RUSC2: variants seen among roughly 807,000 people sequenced by gnomAD.
RUSC2 encodes the protein AP-4 complex accessory subunit RUSC2.
Under a neutral mutation model 122.2 loss-of-function variants are expected in RUSC2, and 34 were observed. That is an observed-to-expected ratio of 0.28 (90% CI 0.21 to 0.37). RUSC2 has a LOEUF of 0.37. Ranked by LOEUF, RUSC2 falls within the 10% of genes least tolerant of loss-of-function variation. RUSC2 has a pLI of 1.00. For synonymous variants in RUSC2, 784 were observed against 790.0 expected (o/e 0.99, Z 0.13); for missense variants, 1,747 against 1,952.4 (o/e 0.89, Z 1.98).
chr9:35,516,686 G>A (rs1004361117), intron 1 of RUSC2, among the ~76,000 whole-genome samples: 1 of 152,130 alleles, frequency 6.6e-6, no homozygotes, highest in African/African-American at 2.4e-5. Flanking sequence ...TGAGAACCGT[G>A]TCAGCCCTGT....
chr9:35,521,555 C>T (rs1821215227), intron 1 of RUSC2, among the ~76,000 whole-genome samples: 1 of 152,236 alleles, frequency 6.6e-6, no homozygotes, highest in Non-Finnish European at 1.5e-5. Context: ...GGGTCTTTTA[C>T]CTTTTAGGCT....
Position 35,534,100 on chromosome 9 carries a change from A to G in RUSC2, c.-92-12330A>G, listed in dbSNP as rs78271420. On this transcript the variant is annotated intron_variant, in intron 1 of 11. Transcript: ENST00000361226. Reference sequence around the variant, plus strand: ...GCAATGTGTGAGGGTTCCAATTTCTACACATCATTGTCAACATGTGTGATT... The same window carrying G: ...GCAATGTGTGAGGGTTCCAATTTCTGCACATCATTGTCAACATGTGTGATT... 9.7e-3 allele frequency among the ~76,000 whole-genome samples: 1,475 copies of G among 152,304 alleles called. 22 individuals are homozygous for G. Among genetic ancestry groups the G allele is most frequent in the African/African-American group, 0.034 (1,404 of 41,548 alleles).
chr9:35,553,542 G>C (rs764599327), intron 2 of RUSC2, among the ~76,000 whole-genome samples: 26 of 152,354 alleles, frequency 1.7e-4, no homozygotes, highest in South Asian at 2.1e-4. Context: ...ATGGGATAGA[G>C]AGCAACTTGC....
intron 1 of RUSC2, among the ~76,000 whole-genome samples, chr9:35,513,425 T>A (rs761330056): frequency 2.6e-5 from 4 of 151,968 alleles, no homozygotes; most frequent in Non-Finnish European, 5.9e-5. Context: ...ATATTTTTAG[T>A]AGAGATGGGG....
chr9:35,533,982 AG>A (rs1427366712), intron 1 of RUSC2, among the ~76,000 whole-genome samples: 1 of 152,240 alleles, frequency 6.6e-6, no homozygotes, highest in East Asian at 1.9e-4. Flanking sequence ...ACCTAGAAGC[AG>A]AATTGCTGGG....
chr9:35,548,630 A>T lies in RUSC2; in HGVS notation c.2014+95A>T. The T allele has an allele frequency of 6.9e-7, 1 of 1,450,004 alleles. No homozygotes were observed. Among genetic ancestry groups the T allele is most frequent in the Non-Finnish European group, 9.0e-7 (1 of 1,106,568 alleles). The allele number at this position is 1,450,004 out of a possible 1,614,324, so 89.8% of individuals were successfully genotyped here. A position where few individuals can be genotyped will look rare whatever the true frequency, so the allele number is the denominator to read the frequency against. ...AGGTCCCTGCCAGACCACCCCATCC[A>T]TACCACTAGAGGTTCCACATCCTAG... On this transcript the variant is annotated intron_variant, in intron 2 of 11. Coordinates refer to ENST00000361226, the MANE Select transcript of RUSC2 (RefSeq NM_014806.5). The surrounding 1 kb of genome is among the most constrained non-coding windows in gnomAD (Gnocchi z 4.5).
At chr9:35,491,826 G>T (rs925852153) in intron 1 of RUSC2, among the ~76,000 whole-genome samples, 4 of 152,182 alleles carry the variant, frequency 2.6e-5, no homozygotes, top group African/African-American at 9.7e-5. Flanking sequence ...GTGTGCACAT[G>T]TAGTCCCAGC....
chr9:35,500,295 A>G (rs1021178827), intron 1 of RUSC2, among the ~76,000 whole-genome samples: 1 of 152,046 alleles, frequency 6.6e-6, no homozygotes, highest in African/African-American at 2.4e-5. Context: ...GAGCTTGTGC[A>G]GGGAAACCCC....
intron 2 of RUSC2, among the ~76,000 whole-genome samples, chr9:35,553,701 G>C (rs930968475): frequency 6.6e-6 from 1 of 152,244 alleles, no homozygotes; most frequent in Non-Finnish European, 1.5e-5. Context: ...GGACGGGGAA[G>C]TGTGGCTGGA....
In RUSC2 at chr9:35,547,996, G is replaced by C; in HGVS notation, c.1475G>C (p.Gly492Ala). 1 of 1,614,094 alleles carries C rather than the reference G, an allele frequency of 6.2e-7. No individual in the cohort carries two copies. Among genetic ancestry groups the C allele is most frequent in the Non-Finnish European group, 8.5e-7 (1 of 1,180,050 alleles). Residue 492 changes from glycine to alanine, a missense_variant, in exon 2 of 12, where the codon GGA becomes GCA. By Grantham distance (60) the Gly-to-Ala change is moderately conservative (BLOSUM62 0). Coordinates refer to ENST00000361226, the MANE Select transcript of RUSC2 (RefSeq NM_014806.5). The surrounding 1 kb of genome is among the most constrained non-coding windows in gnomAD (Gnocchi z 4.6). The stretch of plus-strand genomic sequence containing the variant: ...ACTTCACCCCCCAACCTCAGCACTG[G>C]ACGTCAGCGCTCCCGCAGCTATGAT... Reference protein sequence around the residue: ...TNTSPPNLSTGRQRSRSYDRS... With the variant: ...TNTSPPNLSTARQRSRSYDRS...
chr9:35,555,467 C>T lies in RUSC2; in HGVS notation c.2422C>T (p.Pro808Ser), dbSNP rs1821993843. 2 of 1,614,222 alleles carry T rather than the reference C, an allele frequency of 1.2e-6. No individual in the cohort carries two copies. The highest frequency in any genetic ancestry group is 1.7e-6 in the Non-Finnish European group (2 of 1,180,042). ...TTCGTGCTCCCCTCCCCCAGAGCAG[C>T]CCACAGCCACAGAAAGCCTGCCCCC... ...STSCSPPPEQ[P>S]TATESLPPWS... The change falls in exon 3 of 12, where the codon CCC becomes TCC. Residue 808 changes from proline (P) to serine (S), a missense_variant. Physicochemically the swap from Pro to Ser is moderately conservative, Grantham distance 74. Coordinates refer to ENST00000361226, the MANE Select transcript of RUSC2 (RefSeq NM_014806.5). The surrounding 1 kb of genome is among the most constrained non-coding windows in gnomAD (Gnocchi z 4.6).
chr9:35,542,181 T>C (rs1334579424), intron 1 of RUSC2, among the ~76,000 whole-genome samples: 1 of 152,138 alleles, frequency 6.6e-6, no homozygotes, highest in Non-Finnish European at 1.5e-5. Context: ...CTCTTGGTTG[T>C]GTGGAGATCA....
intron 1 of RUSC2, among the ~76,000 whole-genome samples, chr9:35,535,256 C>T (rs1821498998): frequency 6.6e-6 from 1 of 151,964 alleles, no homozygotes; most frequent in Non-Finnish European, 1.5e-5. Context: ...GCTGGGGTTA[C>T]AGGTGCCCAC....
Position 35,547,587 on chromosome 9 carries a change from T to A in RUSC2, c.1066T>A (p.Ser356Thr). The change falls in exon 2 of 12, where the codon TCT becomes ACT. Residue 356 changes from serine (S) to threonine (T), a missense_variant. Ser to Thr is a moderately conservative substitution (Grantham distance 58). Coordinates refer to ENST00000361226, the MANE Select transcript of RUSC2 (RefSeq NM_014806.5). The surrounding 1 kb of genome is among the most constrained non-coding windows in gnomAD (Gnocchi z 4.6). ...GGGCTATGGTTGCCCTCATGCCTCT[T>A]CTCCTGAGCTTGATGCCAACTGCAA... ...EGGYGCPHAS[S>T]PELDANCNSY... 1 of 1,614,088 alleles carries A rather than the reference T, an allele frequency of 6.2e-7. No individual in the cohort carries two copies. Among genetic ancestry groups the A allele is most frequent in the Non-Finnish European group, 8.5e-7 (1 of 1,180,014 alleles).
chr9:35,492,587 G>C (rs1043659676), intron 1 of RUSC2, among the ~76,000 whole-genome samples: 9 of 152,054 alleles, frequency 5.9e-5, no homozygotes, highest in African/African-American at 2.2e-4. Context: ...CTCTGATAGA[G>C]CTAGGTGATG....
At position 35,547,970 on chromosome 9, in the gene RUSC2, T is replaced by C. The variant is rs1393399098; in HGVS notation, c.1449T>C (p.Asn483=). ...TGCTTGAGGGACAAGTATACACGAA[T>C]ACTTCACCCCCCAACCTCAGCACTG... The part of the protein sequence containing the change: ...PTVLEGQVYT[N]TSPPNLSTGR... Residue 483 remains asparagine, a synonymous_variant, in exon 2 of 12, where the codon AAT becomes AAC. Transcript: ENST00000361226. The surrounding 1 kb of genome is among the most constrained non-coding windows in gnomAD (Gnocchi z 4.6). 1.2e-6 allele frequency: 2 copies of C among 1,613,976 alleles called. No individual in the cohort carries two copies. The highest frequency in any genetic ancestry group is 1.7e-6 in the Non-Finnish European group (2 of 1,180,020).
intron 1 of RUSC2, among the ~76,000 whole-genome samples, chr9:35,531,162 G>A (rs534601403): frequency 1.1e-3 from 165 of 152,252 alleles, no homozygotes; most frequent in African/African-American, 3.7e-3. Context: ...TCGGGAGGCT[G>A]AGGCAGGAGA....
In RUSC2 at chr9:35,548,770, C is replaced by A. The variant is rs1821828255; in HGVS notation, c.2014+235C>A. Reference sequence around the variant, plus strand: ...GCAGACTGGGTGCAGTGACTCACACCTGTGATCCCAGCCCTTTGGGAGGCC... The same window carrying A: ...GCAGACTGGGTGCAGTGACTCACACATGTGATCCCAGCCCTTTGGGAGGCC... On this transcript the variant is annotated intron_variant, in intron 2 of 11. Transcript: ENST00000361226. This position sits in a 1 kb window ranked among gnomAD's most constrained non-coding sequence, Gnocchi z 4.5. The A allele has an allele frequency of 1.0e-6, 1 of 983,138 alleles. No homozygotes were observed. The highest frequency in any genetic ancestry group is 1.2e-6 in the Non-Finnish European group (1 of 827,974). 60.9% of individuals were successfully genotyped at this position (983,138 alleles called of 1,614,324 possible). A position where few individuals can be genotyped will look rare whatever the true frequency, so the allele number is the denominator to read the frequency against.
chr9:35,546,785 T>A lies in RUSC2; in HGVS notation c.264T>A (p.Ser88Arg). ...ARSIDSTKSR[S>R]RDGRGPGAPK... The stretch of plus-strand genomic sequence containing the variant: ...CTATAGACAGCACCAAGAGTAGGAG[T>A]CGGGATGGAAGAGGCCCTGGAGCCC... Residue 88 changes from serine (S) to arginine (R), a missense_variant, in exon 2 of 12, where the codon AGT (serine) becomes AGA (arginine). Physicochemically the swap from Ser to Arg is moderately radical, Grantham distance 110 (BLOSUM62 -1). Coordinates refer to ENST00000361226, the MANE Select transcript of RUSC2 (RefSeq NM_014806.5). This position sits in a 1 kb window ranked among gnomAD's most constrained non-coding sequence, Gnocchi z 4.3. The A allele has an allele frequency of 6.2e-7, 1 of 1,607,462 alleles. No homozygotes were observed. Among genetic ancestry groups the A allele is most frequent in the Non-Finnish European group, 8.5e-7 (1 of 1,177,042 alleles).
Sources: allele counts gnomAD v4.1 joint callset (sites outside exome capture counted in the v4.1 genomes callset), GRCh38; gene constraint gnomAD v4.1.1; non-coding constraint Gnocchi (gnomAD v3.1); transcripts MANE v1.5; gene names NCBI Gene and HGNC (gene_info 2026-07-23, HGNC 2026-07-21).